The following NCAPG2 variants were observed in gnomAD, a reference collection of about 807,000 sequenced individuals.
NCAPG2 encodes condensin-2 complex subunit G2.
In NCAPG2, 53 loss-of-function variants were observed where a neutral mutation model predicts 141.1. That is an observed-to-expected ratio of 0.38 (90% CI 0.30 to 0.47). The LOEUF (loss-of-function observed/expected upper bound fraction) is 0.47, where lower values mean the gene tolerates loss of function less well. NCAPG2 is among the 20% of genes least tolerant of loss of function. The pLI is 0.99. For missense variants in NCAPG2, 1,087 were observed against 1,389.0 expected, an observed-to-expected ratio of 0.78 and a Z score of 3.46; for synonymous variants, 499 against 490.7, an observed-to-expected ratio of 1.02 and a Z score of -0.22.
intron 11 of NCAPG2, among the ~76,000 whole-genome samples, chr7:158,676,022 A>G (rs1448534518): frequency 2.0e-5 from 3 of 152,232 alleles, no homozygotes; most frequent in African/African-American, 7.2e-5. Context: ...TTTAGAGCCC[A>G]GAATAAAATA....
At chr7:158,641,124 TA>T (rs968837939) in intron 27 of NCAPG2, 1,587 of 149,684 alleles carry the variant, frequency 0.011, no homozygotes, top group East Asian at 0.021. Context: ...AAGAAAGGTT[TA>T]AAAAAAAAAA....
chr7:158,679,376 A>G (rs1834302985), intron 11 of NCAPG2, among the ~76,000 whole-genome samples: 2 of 152,192 alleles, frequency 1.3e-5, no homozygotes, highest in Non-Finnish European at 1.5e-5. Flanking sequence ...AAGAATCCAC[A>G]ATACTCCTTG....
rs10245747 is a variant in NCAPG2, at chr7:158,683,517, C to G, written c.838-131G>C. The stretch of plus-strand genomic sequence containing the variant: ...ATATTTCATGAGAAAAAAACCTGGA[C>G]CCTTTTGTCCAAGCTTTCTTATTTT... On this transcript the variant is annotated intron_variant, in intron 8 of 27. Coordinates refer to ENST00000356309, the MANE Select transcript of NCAPG2 (RefSeq NM_017760.7). The G allele has an allele frequency of 5.7e-3, 2,772 of 484,740 alleles. 64 individuals carry two copies. Among genetic ancestry groups the G allele is most frequent in the African/African-American group, 0.049 (2,471 of 50,278 alleles). 30.0% of individuals were successfully genotyped at this position (484,740 alleles called of 1,614,324 possible).
chr7:158,656,835 C>T, intron 17 of NCAPG2, 130 bp from the exon 18 acceptor site: 1 of 1,065,580 alleles, frequency 9.4e-7, no homozygotes, highest in South Asian at 1.6e-5. Flanking sequence ...TTAGCACTTC[C>T]ATGCTCTCCA....
At chr7:158,632,393 G>A (rs1254288804) in intron 27 of NCAPG2, among the ~76,000 whole-genome samples, 2 of 152,164 alleles carry the variant, frequency 1.3e-5, no homozygotes, top group Non-Finnish European at 1.5e-5. Context: ...TACAAAGTGC[G>A]TGGCTCACCA....
At position 158,655,369 on chromosome 7, in the gene NCAPG2, G is replaced by A; in HGVS notation, c.2475C>T (p.His825=). 6.2e-7 allele frequency: 1 copy of A among 1,614,208 alleles called. No individual in the cohort carries two copies. The highest frequency in any genetic ancestry group is 8.5e-7 in the Non-Finnish European group (1 of 1,180,038). The part of the protein sequence containing the change: ...EAAAPRAFGL[H]CRLSIHLQHK... ...GCTGAAGATGGATGCTCAGGCGACA[G>A]TGGAGACCAAAGGCTCGCGGGGCAG... Residue 825 remains histidine, a synonymous_variant, in exon 20 of 28, where the codon CAC becomes CAT. Coordinates refer to ENST00000356309, the MANE Select transcript of NCAPG2 (RefSeq NM_017760.7).
intron 27 of NCAPG2, among the ~76,000 whole-genome samples, chr7:158,639,181 C>T (rs1830476337): frequency 6.6e-6 from 1 of 152,008 alleles, no homozygotes. Context: ...GATCTCGGCT[C>T]ACTGCAGCAT....
chr7:158,687,506 A>T, intron 6 of NCAPG2, 64 bp from the exon 7 acceptor site: 1 of 1,198,968 alleles, frequency 8.3e-7, no homozygotes, highest in South Asian at 1.4e-5. Context: ...AATAACAAAC[A>T]ATTATTTGAA....
At chr7:158,640,845 T>C (rs7811932) in intron 27 of NCAPG2, 124 of 152,314 alleles carry the variant, frequency 8.1e-4, no homozygotes, top group African/African-American at 2.9e-3. Flanking sequence ...ACCTAAGATG[T>C]AGTTTGTTCA....
intron 27 of NCAPG2, chr7:158,640,083 A>ACAC (rs1830541022): frequency 6.6e-6 from 1 of 152,528 alleles, no homozygotes; most frequent in African/African-American, 2.4e-5. Flanking sequence ...AAAGAAAACT[A>ACAC]CACCTAGGCA....
chr7:158,654,432 A>G (rs1831745839), intron 22 of NCAPG2, among the ~76,000 whole-genome samples, 163 bp downstream of exon 22: 1 of 152,250 alleles, frequency 6.6e-6, no homozygotes, highest in East Asian at 1.9e-4. Context: ...AACACCTCTT[A>G]ATTTCCGGGC....
At chr7:158,637,034 G>A (rs913832313) in intron 27 of NCAPG2, among the ~76,000 whole-genome samples, 5 of 151,528 alleles carry the variant, frequency 3.3e-5, no homozygotes, top group South Asian at 2.1e-4. Flanking sequence ...TGCAAGTTCC[G>A]CCTCCCGGGT....
chr7:158,701,726 T>G (rs1206178215), intron 2 of NCAPG2, 96 bp downstream of exon 2: 3 of 1,118,306 alleles, frequency 2.7e-6, no homozygotes, highest in Non-Finnish European at 3.9e-6. Flanking sequence ...AAGGATTCAC[T>G]GAGATAACTA....
At chr7:158,656,207 T>C (rs970779427) in intron 19 of NCAPG2, 53 bp downstream of exon 19, 252 of 1,571,940 alleles carry the variant, frequency 1.6e-4, no homozygotes, top group Non-Finnish European at 2.1e-4. Context: ...ACACTTTGAT[T>C]TGTCACCCCC....
Position 158,678,987 on chromosome 7 carries a change from C to G in NCAPG2, c.1146+973G>C, listed in dbSNP as rs148345469. 1.4e-4 allele frequency among the ~76,000 whole-genome samples: 21 copies of G among 152,282 alleles called. 1 individual carries two copies. Among genetic ancestry groups the G allele is most frequent in the African/African-American group, 4.6e-4 (19 of 41,558 alleles). On this transcript the variant is annotated intron_variant, in intron 11 of 27. Coordinates refer to ENST00000356309, the MANE Select transcript of NCAPG2 (RefSeq NM_017760.7). ...TAGCTGGGACCACAGGCGTGTGCCA[C>G]CACACCGGGCTGTTTTTTTGTTTGT... is the stretch of plus-strand genomic sequence containing the variant.
At chr7:158,658,694 C>T (rs1358292428) in intron 16 of NCAPG2, among the ~76,000 whole-genome samples, 1 of 152,010 alleles carries the variant, frequency 6.6e-6, no homozygotes, top group African/African-American at 2.4e-5. Context: ...GGGAATATGC[C>T]AGTAAGCAGG....
chr7:158,691,796 G>A (rs547686485), intron 4 of NCAPG2, among the ~76,000 whole-genome samples: 2 of 152,028 alleles, frequency 1.3e-5, no homozygotes, highest in African/African-American at 2.4e-5. Flanking sequence ...CTCAGATCAC[G>A]TTCACAACAT....
At position 158,639,655 on chromosome 7, in the gene NCAPG2, G is replaced by C. The variant is rs1022084565; in HGVS notation, c.3380+4634C>G. The C allele has an allele frequency of 2.4e-5, 4 of 164,630 alleles. No individual in the cohort carries two copies. The Admixed American group carries it at 2.6e-4, about 11-fold the overall frequency. 10.2% of individuals were successfully genotyped at this position (164,630 alleles called of 1,614,324 possible). On this transcript the variant is annotated intron_variant, in intron 27 of 27. Transcript: ENST00000356309. ...GAAGAAACAGGGAAAAGTCATCCCAGATTTCTGGGGGTATGTTGTTCCACA... is the reference window on the plus strand; with the variant it reads ...GAAGAAACAGGGAAAAGTCATCCCACATTTCTGGGGGTATGTTGTTCCACA...
At position 158,671,554 on chromosome 7, in the gene NCAPG2, A is replaced by G. The variant is rs1833683159; in HGVS notation, c.1439T>C (p.Val480Ala). ...DNSEKVRVAFVDMLLKIKAVR... is the reference protein window; with the variant it reads ...DNSEKVRVAFADMLLKIKAVR... Reference sequence around the variant, plus strand: ...AGCTTTGATCTTCAACAGCATGTCCACAAAAGCTACCCTCACTTTCTCCGA... The same window carrying G: ...AGCTTTGATCTTCAACAGCATGTCCGCAAAAGCTACCCTCACTTTCTCCGA... Residue 480 changes from valine (V) to alanine (A), a missense_variant, in exon 13 of 28, where the codon GTG becomes GCG. Coordinates refer to ENST00000356309, the MANE Select transcript of NCAPG2 (RefSeq NM_017760.7). 1 of 1,614,234 alleles carries G rather than the reference A, an allele frequency of 6.2e-7. No homozygotes were observed. The highest frequency in any genetic ancestry group is 1.3e-5 in the African/African-American group (1 of 75,064).
Sources: gnomAD v4.1 joint callset for allele counts (sites outside exome capture counted in the v4.1 genomes callset) on GRCh38, gnomAD v4.1.1 for gene constraint, MANE v1.5 for transcripts, NCBI Gene and HGNC (gene_info 2026-07-23, HGNC 2026-07-21) for gene names.